MITF: variants seen among roughly 807,000 people sequenced by gnomAD.
MITF encodes the protein microphthalmia-associated transcription factor.
In MITF, 17 loss-of-function variants were observed where a neutral mutation model predicts 60.5. The observed-to-expected ratio is 0.28, with a 90% confidence interval of 0.19 to 0.42. MITF has a LOEUF of 0.42. Among genes scored for constraint, MITF ranks in the 10% least tolerant of loss-of-function variants. MITF has a pLI of 1.00. For synonymous variants in MITF, 260 were observed against 248.5 expected, an observed-to-expected ratio of 1.05 and a Z score of -0.43; for missense variants, 622 against 683.5, an observed-to-expected ratio of 0.91 and a Z score of 1.00.
chr3:69,855,260 C>CAAAAA (rs33962275), intron 1 of MITF, among the ~76,000 whole-genome samples: 17 of 84,582 alleles, frequency 2.0e-4, no homozygotes, highest in Non-Finnish European at 3.0e-4. Context: ...TTCCCATAAG[C>CAAAAA]AAAAAAAAAA....
intron 1 of MITF, among the ~76,000 whole-genome samples, chr3:69,801,363 T>G (rs1395205257): frequency 6.6e-6 from 1 of 152,208 alleles, no homozygotes; most frequent in Non-Finnish European, 1.5e-5. Context: ...CCTTCTAAAA[T>G]TCTGAATATG....
At chr3:69,790,923 T>G (rs1360323236) in intron 1 of MITF, among the ~76,000 whole-genome samples, 1 of 152,236 alleles carries the variant, frequency 6.6e-6, no homozygotes, top group Non-Finnish European at 1.5e-5. Flanking sequence ...GATATTAAAC[T>G]TCTTAATTCC....
At chr3:69,821,068 G>T (rs1056204360) in intron 1 of MITF, among the ~76,000 whole-genome samples, 1 of 152,074 alleles carries the variant, frequency 6.6e-6, no homozygotes, top group Non-Finnish European at 1.5e-5. Flanking sequence ...TAGCAATGAG[G>T]CACTTTCTTG....
At chr3:69,923,903 G>A (rs1306312117) in intron 2 of MITF, among the ~76,000 whole-genome samples, 5 of 151,850 alleles carry the variant, frequency 3.3e-5, no homozygotes, top group Non-Finnish European at 7.4e-5. Context: ...ATAAGTCATA[G>A]GTTTTTGTTT....
At chr3:69,744,838 T>A (rs1339989656) in intron 1 of MITF, among the ~76,000 whole-genome samples, 1 of 152,216 alleles carries the variant, frequency 6.6e-6, no homozygotes, top group African/African-American at 2.4e-5. Flanking sequence ...AACAATTCTT[T>A]TATGCTAGTT....
chr3:69,774,867 C>T (rs994385928), intron 1 of MITF, among the ~76,000 whole-genome samples: 3 of 152,152 alleles, frequency 2.0e-5, no homozygotes, highest in Non-Finnish European at 4.4e-5. Context: ...CCAATGAGCA[C>T]TGTTAGAGCT....
chr3:69,811,091 T>C (rs909671865), intron 1 of MITF, among the ~76,000 whole-genome samples: 11 of 152,326 alleles, frequency 7.2e-5, no homozygotes, highest in Non-Finnish European at 1.5e-4. Flanking sequence ...AGAATGACCC[T>C]GGAGGCTTTT....
At chr3:69,936,694 A>G (rs1271486263) in intron 2 of MITF, 2 of 1,613,302 alleles carry the variant, frequency 1.2e-6, no homozygotes, top group Admixed American at 3.3e-5. Context: ...ACCGTCTCTC[A>G]CTGGATTGGT....
chr3:69,792,809 A>G (rs535851794), intron 1 of MITF, among the ~76,000 whole-genome samples: 168 of 152,054 alleles, frequency 1.1e-3, no homozygotes, highest in Admixed American at 2.1e-3. Context: ...TTATTGATTG[A>G]TTCCTCTGCC....
At chr3:69,834,232 G>A (rs1478720361) in intron 1 of MITF, among the ~76,000 whole-genome samples, 1 of 152,140 alleles carries the variant, frequency 6.6e-6, no homozygotes. Context: ...TACAGTCACT[G>A]TACTGTACAA....
At position 69,808,602 on chromosome 3, in the gene MITF, G is replaced by C. The variant is rs1205513220; in HGVS notation, c.104+68901G>C. ...GAGCTCTGGAAGAAGAGTAGGAGTG[G>C]AGTAGGGGAGAAGGGAGTACGGTGT... On this transcript the variant is annotated intron_variant, in intron 1 of 9. Coordinates refer to ENST00000352241, the MANE Select transcript of MITF (RefSeq NM_001354604.2). Among the ~76,000 whole-genome samples, 12 of 152,212 alleles carry C rather than the reference G, an allele frequency of 7.9e-5. No homozygotes were observed. In the South Asian group the frequency reaches 8.3e-4, roughly 11 times the overall value.
intron 1 of MITF, among the ~76,000 whole-genome samples, chr3:69,808,091 A>G (rs1383010586): frequency 6.7e-6 from 1 of 148,328 alleles, no homozygotes; most frequent in Non-Finnish European, 1.5e-5. Flanking sequence ...ATATACAGAT[A>G]TAAAATATAA....
chr3:69,911,374 GCA>G (rs1173456448), intron 2 of MITF, among the ~76,000 whole-genome samples: 3 of 152,106 alleles, frequency 2.0e-5, no homozygotes, highest in African/African-American at 7.2e-5. Context: ...CATGATCATA[GCA>G]CACTGTGCCT....
At chr3:69,896,494 G>A (rs964948267) in intron 2 of MITF, among the ~76,000 whole-genome samples, 1 of 152,224 alleles carries the variant, frequency 6.6e-6, no homozygotes, top group African/African-American at 2.4e-5. Flanking sequence ...CAGTGTTTAA[G>A]GCTGTCTGGG....
chr3:69,888,826 A>G (rs1464866307), intron 2 of MITF, among the ~76,000 whole-genome samples: 1 of 151,862 alleles, frequency 6.6e-6, no homozygotes, highest in Non-Finnish European at 1.5e-5. Context: ...CTTTTGCCCC[A>G]TTCAGCATTT....
chr3:69,799,251 A>C (rs184822521), intron 1 of MITF, among the ~76,000 whole-genome samples: 47 of 152,296 alleles, frequency 3.1e-4, no homozygotes, highest in Admixed American at 2.2e-3. Flanking sequence ...GATTTGGGAC[A>C]CCAGTGAGGA....
chr3:69,965,653 G>GAA lies in MITF; in HGVS notation c.*415_*416dup, dbSNP rs886058810. On this transcript the variant is annotated 3_prime_UTR_variant, in exon 10 of 10. Transcript: ENST00000352241. ...TGAAAGAATGTAAAGCAACCAAAAA[G>GAA]AAAAAAAAAAAGAAAGAAAGAGGAA... 8 of 193,992 alleles carry GAA rather than the reference G, an allele frequency of 4.1e-5. No homozygotes were observed. The highest frequency in any genetic ancestry group is 8.0e-5 in the East Asian group (1 of 12,544). The allele number at this position is 193,992 out of a possible 1,614,324, so 12.0% of individuals were successfully genotyped here. A position where few individuals can be genotyped will look rare whatever the true frequency, so the allele number is the denominator to read the frequency against.
intron 2 of MITF, among the ~76,000 whole-genome samples, chr3:69,892,869 GT>G (rs1395074044): frequency 6.6e-6 from 1 of 152,186 alleles, no homozygotes; most frequent in Non-Finnish European, 1.5e-5. Context: ...TCAAGAGAAA[GT>G]GTTTTTCTTC....
At chr3:69,785,967 C>T (rs1474239219) in intron 1 of MITF, among the ~76,000 whole-genome samples, 1 of 152,006 alleles carries the variant, frequency 6.6e-6, no homozygotes, top group African/African-American at 2.4e-5. Context: ...GGTAATAATG[C>T]CATATAGGGC....
Sources: gnomAD v4.1 joint callset for allele counts (sites outside exome capture counted in the v4.1 genomes callset) on GRCh38, gnomAD v4.1.1 for gene constraint, MANE v1.5 for transcripts, NCBI Gene and HGNC (gene_info 2026-07-23, HGNC 2026-07-21) for gene names.